AFF3: variants seen among roughly 807,000 people sequenced by gnomAD.
AFF3 encodes the protein ALF transcription elongation factor 3, also known as AF4/FMR2 family member 3.
A neutral mutation model predicts 129.7 loss-of-function variants in AFF3; 32 were observed. That is an observed-to-expected ratio of 0.25 (90% confidence interval 0.19 to 0.33). The LOEUF (loss-of-function observed/expected upper bound fraction) is 0.33. AFF3 is among the 10% of genes least tolerant of loss of function. AFF3 has a pLI of 1.00. For missense variants in AFF3, 1,373 were observed against 1,592.0 expected (o/e 0.86, Z 2.34); for synonymous variants, 644 against 635.4 (o/e 1.01, Z -0.20).
At chr2:99,756,530 C>T (rs1682114159) in intron 8 of AFF3, among the ~76,000 whole-genome samples, 1 of 152,240 alleles carries the variant, frequency 6.6e-6, no homozygotes, top group African/African-American at 2.4e-5. Context: ...AAGCTAATAC[C>T]TGCCTGCACC....
chr2:100,070,411 T>C (rs1190734122), intron 4 of AFF3, among the ~76,000 whole-genome samples: 1 of 152,206 alleles, frequency 6.6e-6, no homozygotes, highest in Non-Finnish European at 1.5e-5. Flanking sequence ...ATACAACACT[T>C]TTTGGAGCAG....
chr2:99,807,844 G>A (rs1420995258), intron 8 of AFF3, among the ~76,000 whole-genome samples: 1 of 152,006 alleles, frequency 6.6e-6, no homozygotes, highest in African/African-American at 2.4e-5. Context: ...CTACCCTCTT[G>A]TTACTACAAA....
intron 7 of AFF3, among the ~76,000 whole-genome samples, chr2:99,940,346 CT>C (rs956032997): frequency 3.3e-5 from 5 of 152,172 alleles, no homozygotes; most frequent in Admixed American, 3.3e-4. Flanking sequence ...TGAATAGGAG[CT>C]GGGTAAAATG....
At chr2:99,796,081 C>T (rs376449742) in intron 8 of AFF3, among the ~76,000 whole-genome samples, 3 of 152,246 alleles carry the variant, frequency 2.0e-5, no homozygotes, top group East Asian at 1.9e-4. Flanking sequence ...ACCTAATCAC[C>T]CATTTATTCC....
chr2:99,587,395 C>T (rs542549696), intron 15 of AFF3, 117 bp from the exon 16 acceptor site: 11 of 1,233,078 alleles, frequency 8.9e-6, no homozygotes, highest in East Asian at 2.4e-5. Flanking sequence ...CTGGCTTCCC[C>T]GAAGCACAGC....
chr2:100,003,838 G>A (rs1370090971), intron 7 of AFF3, among the ~76,000 whole-genome samples: 2 of 152,044 alleles, frequency 1.3e-5, no homozygotes, highest in African/African-American at 4.8e-5. Flanking sequence ...TGAAGGTGAG[G>A]GAATTTTCCT....
rs1308240668 is a variant in AFF3 at position 99,882,061 on chromosome 2, CTCTCTCTCTCTCTG to C, written c.874-44551_874-44538del. On this transcript the variant is annotated intron_variant, in intron 7 of 24. Coordinates refer to ENST00000672756, the MANE Select transcript of AFF3 (RefSeq NM_001386135.1). ...GATTGGTCCTCATTTGCCTGTCTCT[CTCTCTCTCTCTCTG>C]TCTCTCTCTCTCTCCCCCTCACTCT... Among the ~76,000 whole-genome samples, 378 of 151,470 alleles carry C rather than the reference CTCTCTCTCTCTCTG, an allele frequency of 2.5e-3. 5 individuals are homozygous for C. Among genetic ancestry groups the C allele is most frequent in the African/African-American group, 8.5e-3 (354 of 41,448 alleles).
Position 99,558,976 on chromosome 2 carries a change from C to A in AFF3, c.3192-8G>T, listed in dbSNP as rs752390862. On this transcript the variant is annotated splice_polypyrimidine_tract_variant and splice_region_variant and intron_variant, in intron 21 of 24. Transcript: ENST00000672756. ...AGGGCCAGGCATCGGTAACTGCAGG[C>A]GAAAAGAGAAACAGGCCCAGAAGCG... 6.2e-7 allele frequency: 1 copy of A among 1,614,002 alleles called. No homozygotes were observed. Among genetic ancestry groups the A allele is most frequent in the Non-Finnish European group, 8.5e-7 (1 of 1,179,906 alleles).
intron 11 of AFF3, among the ~76,000 whole-genome samples, chr2:99,691,875 G>A (rs1675700914): frequency 6.6e-6 from 1 of 152,214 alleles, no homozygotes; most frequent in South Asian, 2.1e-4. Context: ...CTCTTAGCTA[G>A]AAGGTGGAAA....
In AFF3 at chr2:99,550,056, C is replaced by G. The variant is rs1223903643; in HGVS notation, c.*1418G>C. The G allele has an allele frequency of 2.2e-5, 5 of 227,584 alleles. No individual in the cohort carries two copies. The highest frequency in any genetic ancestry group is 4.4e-5 in the Non-Finnish European group (5 of 114,608). 14.1% of individuals were successfully genotyped at this position (227,584 alleles called of 1,614,324 possible). ...GACCCTCTTTTTCAGGAGTTATTTT[C>G]TTTTCGTCAAGATTTCATATCCAAA... On this transcript the variant is annotated 3_prime_UTR_variant, in exon 25 of 25. Transcript: ENST00000672756.
intron 10 of AFF3, among the ~76,000 whole-genome samples, chr2:99,743,133 G>T (rs1680854051): frequency 1.5e-5 from 1 of 67,376 alleles, no homozygotes; most frequent in Non-Finnish European, 3.8e-5. Context: ...CTCATCGCTG[G>T]TGCCTGTACC....
intron 7 of AFF3, among the ~76,000 whole-genome samples, chr2:99,954,099 T>A (rs1023093775): frequency 1.3e-4 from 20 of 152,136 alleles, no homozygotes; most frequent in African/African-American, 4.8e-4. Context: ...TATGGATCCT[T>A]TACCACTACT....
Position 99,593,870 on chromosome 2 carries a change from C to A in AFF3, c.1791G>T (p.Gly597=), listed in dbSNP as rs546508227. ...CGGGCCGGTGGCAGTTGGCGCCGTC[C>A]CCGGCTGAGGTCCTCTCGGTGCGCC... ...PTRRTERTSA[G]DGANCHRPEE... The change falls in exon 15 of 25, where the codon GGG becomes GGT. Residue 597 remains glycine (G), a synonymous_variant. Transcript: ENST00000672756. 6.4e-7 allele frequency: 1 copy of A among 1,564,690 alleles called. No individual in the cohort carries two copies. The highest frequency in any genetic ancestry group is 8.6e-7 in the Non-Finnish European group (1 of 1,160,556).
At chr2:99,837,296 G>T (rs554051165) in intron 8 of AFF3, among the ~76,000 whole-genome samples, 181 bp downstream of exon 8, 3 of 152,236 alleles carry the variant, frequency 2.0e-5, no homozygotes, top group African/African-American at 7.2e-5. Context: ...GGTGCCCAGA[G>T]GGGGTGCAGC....
chr2:100,022,532 T>G (rs898533594), intron 4 of AFF3, among the ~76,000 whole-genome samples: 1 of 152,142 alleles, frequency 6.6e-6, no homozygotes, highest in Non-Finnish European at 1.5e-5. Flanking sequence ...TGTCTCAGCC[T>G]CCCAAGTAGC....
chr2:99,768,137 G>T (rs61547257), intron 8 of AFF3, among the ~76,000 whole-genome samples: 1 of 152,268 alleles, frequency 6.6e-6, no homozygotes, highest in Admixed American at 6.5e-5. Flanking sequence ...TGGGACACAT[G>T]ATTTCATTTT....
At chr2:99,783,535 G>A (rs1684560960) in intron 8 of AFF3, among the ~76,000 whole-genome samples, 1 of 152,226 alleles carries the variant, frequency 6.6e-6, no homozygotes, top group African/African-American at 2.4e-5. Context: ...CGGCACAGGA[G>A]GATTCACTTC....
intron 7 of AFF3, among the ~76,000 whole-genome samples, chr2:99,898,956 C>G (rs113918704): frequency 1.5e-3 from 234 of 152,292 alleles, no homozygotes; most frequent in African/African-American, 5.4e-3. Flanking sequence ...GTCCTCCACT[C>G]CTTGCTCCCA....
intron 21 of AFF3, 32 bp from the exon 22 acceptor site, chr2:99,559,000 C>T (rs146843900): frequency 1.3e-6 from 2 of 1,597,958 alleles, no homozygotes; most frequent in South Asian, 1.1e-5. Context: ...GGCCCAGAAG[C>T]GGCTGAGTGC....
Sources: allele counts gnomAD v4.1 joint callset (sites outside exome capture counted in the v4.1 genomes callset), GRCh38; gene constraint gnomAD v4.1.1; transcripts MANE v1.5; gene names NCBI Gene and HGNC (gene_info 2026-07-23, HGNC 2026-07-21).